Variants in ZEB1 observed in about 807,000 individuals in gnomAD.
ZEB1 encodes zinc finger E-box binding homeobox 1, also known as zinc finger E-box-binding homeobox 1.
A neutral mutation model predicts 84.9 loss-of-function variants in ZEB1; 21 were observed. That is an observed-to-expected ratio of 0.25 (90% CI 0.18 to 0.36). ZEB1 has a LOEUF of 0.36. ZEB1 is among the 10% of genes least tolerant of loss of function. ZEB1 has a pLI of 1.00. For synonymous variants in ZEB1, 420 were observed against 471.1 expected, an observed-to-expected ratio of 0.89 and a Z score of 1.41; for missense variants, 1,104 against 1,330.2, an observed-to-expected ratio of 0.83 and a Z score of 2.65.
At chr10:31,470,452 A>C (rs1392411548) in intron 2 of ZEB1, among the ~76,000 whole-genome samples, 1 of 151,180 alleles carries the variant, frequency 6.6e-6, no homozygotes, top group Non-Finnish European at 1.5e-5. Flanking sequence ...CAACTGGAAG[A>C]AAGGGTATCA....
intron 2 of ZEB1, among the ~76,000 whole-genome samples, chr10:31,493,888 C>T (rs1283095584): frequency 6.6e-6 from 1 of 151,772 alleles, no homozygotes; most frequent in Non-Finnish European, 1.5e-5. Context: ...ATCTAAAGAG[C>T]CTAGAATTTA....
At position 31,452,742 on chromosome 10, in the gene ZEB1, TGAGAGAGA is replaced by T. The variant is rs35403055; in HGVS notation, c.59-8268_59-8261del. Among the ~76,000 whole-genome samples, 497 of 90,750 alleles carry T rather than the reference TGAGAGAGA, an allele frequency of 5.5e-3. 3 individuals are homozygous for T. Among genetic ancestry groups the T allele is most frequent in the Middle Eastern group, 0.037 (6 of 164 alleles). The allele number at this position is 90,750 out of a possible 152,430, so 59.5% of individuals were successfully genotyped here. Reference sequence around the variant, plus strand: ...GTGTGTGTGTGTGTGTGTGTGTGTGTGAGAGAGAGAGAGAGAGAGAGAGAGAGAGAGAG... The same window carrying T: ...GTGTGTGTGTGTGTGTGTGTGTGTGTGAGAGAGAGAGAGAGAGAGAGAGAG... On this transcript the variant is annotated intron_variant, in intron 1 of 8. Coordinates refer to ENST00000424869, the MANE Select transcript of ZEB1 (RefSeq NM_001174096.2).
intron 1 of ZEB1, among the ~76,000 whole-genome samples, chr10:31,370,998 C>A (rs142761582): frequency 6.6e-6 from 1 of 152,104 alleles, no homozygotes; most frequent in South Asian, 2.1e-4. Context: ...GGATTACAGG[C>A]GTGAGCCTCC....
At chr10:31,327,430 TTAGCATTGTTTGA>T (rs2035804635) in intron 1 of ZEB1, among the ~76,000 whole-genome samples, 2 of 152,238 alleles carry the variant, frequency 1.3e-5, no homozygotes, top group Non-Finnish European at 2.9e-5. Context: ...CTTTCTTTAC[TTAGCATTGTTTGA>T]TAGCTAGATA....
intron 2 of ZEB1, among the ~76,000 whole-genome samples, chr10:31,462,829 C>A (rs1052225656): frequency 6.6e-6 from 1 of 151,954 alleles, no homozygotes; most frequent in African/African-American, 2.4e-5. Context: ...GTGTCTTCAA[C>A]GAGACGGCTG....
At chr10:31,329,005 G>T (rs771988377) in intron 1 of ZEB1, among the ~76,000 whole-genome samples, 7 of 151,754 alleles carry the variant, frequency 4.6e-5, no homozygotes, top group Non-Finnish European at 7.4e-5. Context: ...GTGTGTGTGT[G>T]TGTGTGTGCG....
intron 2 of ZEB1, among the ~76,000 whole-genome samples, chr10:31,469,902 A>AC (rs1464642153): frequency 6.6e-6 from 1 of 152,112 alleles, no homozygotes; most frequent in African/African-American, 2.4e-5. Context: ...TGGGTCCCTG[A>AC]CCCCTAACCC....
At chr10:31,389,482 T>C (rs1235473460) in intron 1 of ZEB1, 1 of 152,146 alleles carries the variant, frequency 6.6e-6, no homozygotes, top group Non-Finnish European at 1.5e-5. Flanking sequence ...TCCTAGCCAG[T>C]TCATGCTAGT....
chr10:31,319,876 T>G (rs2033310052), intron 1 of ZEB1: 2 of 144,882 alleles, frequency 1.4e-5, no homozygotes, highest in South Asian at 1.8e-4. Context: ...GGCCGGGCTG[T>G]GGGCGCGCGG....
At chr10:31,404,995 TAATC>T (rs1360327828) in intron 1 of ZEB1, among the ~76,000 whole-genome samples, 5 of 152,198 alleles carry the variant, frequency 3.3e-5, no homozygotes, top group African/African-American at 7.2e-5. Flanking sequence ...TTGAAATTCT[TAATC>T]AATTTCACAC....
At chr10:31,521,957 T>C (rs747135591) in intron 7 of ZEB1, 21 bp downstream of exon 7, 2 of 1,613,926 alleles carry the variant, frequency 1.2e-6, no homozygotes, top group South Asian at 1.1e-5. Flanking sequence ...ACCTCCATCC[T>C]GAACCTGGCT....
At chr10:31,379,084 A>G (rs2047185341) in intron 1 of ZEB1, among the ~76,000 whole-genome samples, 1 of 151,928 alleles carries the variant, frequency 6.6e-6, no homozygotes, top group Non-Finnish European at 1.5e-5. Context: ...AACAGTTTAT[A>G]CTCCTATTAT....
At chr10:31,337,644 G>A (rs1044808017) in intron 1 of ZEB1, among the ~76,000 whole-genome samples, 1 of 126,898 alleles carries the variant, frequency 7.9e-6, no homozygotes, top group African/African-American at 3.0e-5. Flanking sequence ...TACTATCTTT[G>A]TATTTAATAT....
At chr10:31,471,295 C>T (rs533151573) in intron 2 of ZEB1, among the ~76,000 whole-genome samples, 1 of 123,424 alleles carries the variant, frequency 8.1e-6, no homozygotes, top group Non-Finnish European at 1.7e-5. Flanking sequence ...CAAGACCCAT[C>T]AGTGTGCTGT....
At chr10:31,354,298 A>G (rs931945118) in intron 1 of ZEB1, among the ~76,000 whole-genome samples, 1 of 152,186 alleles carries the variant, frequency 6.6e-6, no homozygotes, top group African/African-American at 2.4e-5. Flanking sequence ...CTTAGCACAA[A>G]GTGGGCACCT....
chr10:31,490,644 G>A (rs2066399354), intron 2 of ZEB1, among the ~76,000 whole-genome samples: 1 of 151,478 alleles, frequency 6.6e-6, no homozygotes, highest in Non-Finnish European at 1.5e-5. Flanking sequence ...TAATGTCTTA[G>A]TTTAATAATT....
intron 1 of ZEB1, among the ~76,000 whole-genome samples, chr10:31,379,867 T>C (rs2047328159): frequency 6.6e-6 from 1 of 152,160 alleles, no homozygotes; most frequent in Non-Finnish European, 1.5e-5. Flanking sequence ...TTAAAGTAGA[T>C]CCCAGACTTC....
At chr10:31,452,424 A>G (rs1035578383) in intron 1 of ZEB1, among the ~76,000 whole-genome samples, 1 of 152,126 alleles carries the variant, frequency 6.6e-6, no homozygotes, top group Admixed American at 6.6e-5. Flanking sequence ...ATTTATAGAC[A>G]AGCTCCTCTT....
chr10:31,402,964 G>A (rs1471806033), intron 1 of ZEB1, among the ~76,000 whole-genome samples: 1 of 151,986 alleles, frequency 6.6e-6, no homozygotes, highest in Non-Finnish European at 1.5e-5. Flanking sequence ...TTTGTTATTA[G>A]CTGTTAGAAA....
Sources: allele counts gnomAD v4.1 joint callset (sites outside exome capture counted in the v4.1 genomes callset), GRCh38; gene constraint gnomAD v4.1.1; transcripts MANE v1.5; gene names NCBI Gene and HGNC (gene_info 2026-07-23, HGNC 2026-07-21).